The following ROCK2 variants were observed in gnomAD, a reference collection of about 807,000 sequenced individuals.
The protein encoded by ROCK2 is Rho associated coiled-coil containing protein kinase 2.
A neutral mutation model predicts 195.1 loss-of-function variants in ROCK2; 61 were observed. The observed-to-expected ratio is 0.31, with a 90% CI of 0.25 to 0.39. The LOEUF (loss-of-function observed/expected upper bound fraction) is 0.39, where lower values mean the gene tolerates loss of function less well. ROCK2 is among the 10% of genes least tolerant of loss of function. ROCK2 has a pLI of 1.00. For missense variants in ROCK2, 1,109 were observed against 1,637.4 expected, an observed-to-expected ratio of 0.68 and a Z score of 5.57; for synonymous variants, 504 against 545.5, an observed-to-expected ratio of 0.92 and a Z score of 1.06.
At chr2:11,225,531 G>A (rs1664779800) in intron 6 of ROCK2, among the ~76,000 whole-genome samples, 1 of 151,528 alleles carries the variant, frequency 6.6e-6, no homozygotes, top group Non-Finnish European at 1.5e-5. Flanking sequence ...TTTAGACACA[G>A]TATCTCATAT....
Position 11,197,121 on chromosome 2 carries a change from TAAAAC to T in ROCK2, c.3448+54_3448+58del, listed in dbSNP as rs1353787985. ...CTTCAGAGCAGTCAGTCGCAAGACTTAAAACAATCAACTGATTTATATTTAAGATA... is the reference window on the plus strand; with the variant it reads ...CTTCAGAGCAGTCAGTCGCAAGACTTAATCAACTGATTTATATTTAAGATA... On this transcript the variant is annotated intron_variant, in intron 27 of 32. Coordinates refer to ENST00000315872, the MANE Select transcript of ROCK2 (RefSeq NM_004850.5). The surrounding 1 kb of genome is among the most constrained non-coding windows in gnomAD (Gnocchi z 4.9). 2 of 1,290,680 alleles carry T rather than the reference TAAAAC, an allele frequency of 1.5e-6. No individual in the cohort carries two copies. Among genetic ancestry groups the T allele is most frequent in the African/African-American group, 3.1e-5 (2 of 65,558 alleles). The allele number at this position is 1,290,680 out of a possible 1,614,324, so 80.0% of individuals were successfully genotyped here. A position where few individuals can be genotyped will look rare whatever the true frequency, so the allele number is the denominator to read the frequency against.
chr2:11,216,672 C>T (rs1418487551), intron 12 of ROCK2, among the ~76,000 whole-genome samples: 1 of 151,764 alleles, frequency 6.6e-6, no homozygotes, highest in Non-Finnish European at 1.5e-5. Flanking sequence ...GTTGGGATTA[C>T]AGGTGTGAGC....
chr2:11,215,277 A>T, intron 15 of ROCK2, 44 bp downstream of exon 15: 1 of 1,485,704 alleles, frequency 6.7e-7, no homozygotes. Context: ...TTATCGCGTT[A>T]AAAATAAAAC....
chr2:11,248,786 A>C (rs1665722741), intron 4 of ROCK2, among the ~76,000 whole-genome samples: 1 of 151,466 alleles, frequency 6.6e-6, no homozygotes, highest in Non-Finnish European at 1.5e-5. Context: ...ACCCACAGTC[A>C]AATAAAAGGC....
intron 1 of ROCK2, among the ~76,000 whole-genome samples, chr2:11,318,859 G>A (rs949493911): frequency 2.6e-5 from 4 of 152,184 alleles, no homozygotes; most frequent in African/African-American, 4.8e-5. Flanking sequence ...GTTGAATAGG[G>A]AATCCCTTCC....
chr2:11,315,987 T>C (rs1278743279), intron 1 of ROCK2, among the ~76,000 whole-genome samples: 1 of 152,126 alleles, frequency 6.6e-6, no homozygotes, highest in Non-Finnish European at 1.5e-5. Context: ...AGGAACGGAA[T>C]TTATGTTGTT....
chr2:11,277,480 C>T (rs1666865167), intron 3 of ROCK2, among the ~76,000 whole-genome samples: 1 of 152,162 alleles, frequency 6.6e-6, no homozygotes, highest in African/African-American at 2.4e-5. Flanking sequence ...CCCTTGCACC[C>T]CTCCAATCAT....
chr2:11,276,228 T>C (rs1229957992), intron 3 of ROCK2, among the ~76,000 whole-genome samples: 1 of 152,132 alleles, frequency 6.6e-6, no homozygotes, highest in East Asian at 1.9e-4. Context: ...TAATAAAAAA[T>C]AAATAAAACT....
chr2:11,269,470 G>A (rs972943914), intron 3 of ROCK2, among the ~76,000 whole-genome samples: 15 of 150,354 alleles, frequency 1.0e-4, no homozygotes, highest in African/African-American at 3.7e-4. Flanking sequence ...AAGACTGCAC[G>A]ACTGCACTGC....
intron 1 of ROCK2, among the ~76,000 whole-genome samples, chr2:11,310,237 T>C (rs1004453912): frequency 3.9e-5 from 6 of 152,204 alleles, no homozygotes; most frequent in Non-Finnish European, 8.8e-5. Flanking sequence ...CTTGACTGCA[T>C]TTGTGTCACC....
In ROCK2 at chr2:11,305,444, T is replaced by TACACACACAC. The variant is rs59533265; in HGVS notation, c.142-17718_142-17709dup. ...ATGTAGATAAATGTCTGTGTGGGTG[T>TACACACACAC]ACACACACACACACACACACACACA... On this transcript the variant is annotated intron_variant, in intron 1 of 32. Coordinates refer to ENST00000315872, the MANE Select transcript of ROCK2 (RefSeq NM_004850.5). Among the ~76,000 whole-genome samples the TACACACACAC allele has an allele frequency of 9.8e-4, 148 of 150,470 alleles. 1 individual carries two copies. Among genetic ancestry groups the TACACACACAC allele is most frequent in the South Asian group, 2.8e-3 (13 of 4,718 alleles).
At chr2:11,306,057 T>C (rs1206128377) in intron 1 of ROCK2, among the ~76,000 whole-genome samples, 3 of 152,182 alleles carry the variant, frequency 2.0e-5, no homozygotes, top group Admixed American at 2.0e-4. Flanking sequence ...CTGTTCCAGA[T>C]TGAAAGAGAT....
At chr2:11,209,751 A>T (rs1664183290) in intron 18 of ROCK2, among the ~76,000 whole-genome samples, 1 of 152,208 alleles carries the variant, frequency 6.6e-6, no homozygotes, top group Non-Finnish European at 1.5e-5. Flanking sequence ...AATGCTCAAC[A>T]TCTAATTATC....
intron 3 of ROCK2, among the ~76,000 whole-genome samples, chr2:11,283,477 C>T (rs1404896900): frequency 2.7e-4 from 40 of 146,382 alleles, no homozygotes; most frequent in Non-Finnish European, 4.8e-4. Context: ...AGGAGAATGG[C>T]GTGAACCCGG....
At chr2:11,283,610 A>G (rs889825799) in intron 3 of ROCK2, among the ~76,000 whole-genome samples, 3 of 141,948 alleles carry the variant, frequency 2.1e-5, no homozygotes, top group African/African-American at 7.5e-5. Flanking sequence ...AAAAAAAGGA[A>G]AAGATATACA....
chr2:11,271,199 G>A (rs893130788), intron 3 of ROCK2, among the ~76,000 whole-genome samples: 2 of 152,210 alleles, frequency 1.3e-5, no homozygotes, highest in African/African-American at 4.8e-5. Flanking sequence ...AGCAAATGCT[G>A]TGGCATATTT....
intron 1 of ROCK2, among the ~76,000 whole-genome samples, chr2:11,312,162 AT>A (rs1668056137): frequency 1.3e-5 from 2 of 152,208 alleles, no homozygotes; most frequent in Non-Finnish European, 2.9e-5. Flanking sequence ...AAATGGCTTT[AT>A]TACAGTTATT....
At chr2:11,219,698 A>G (rs759408765) in intron 9 of ROCK2, among the ~76,000 whole-genome samples, 43 of 151,992 alleles carry the variant, frequency 2.8e-4, no homozygotes, top group Middle Eastern at 3.4e-3. Context: ...ATAGCGGTAC[A>G]ATCATAGCTC....
Position 11,183,299 on chromosome 2 carries a change from A to G in ROCK2, c.*138T>C, listed in dbSNP as rs755008441. The G allele has an allele frequency of 5.2e-6, 3 of 577,408 alleles. No homozygotes were observed. Among genetic ancestry groups the G allele is most frequent in the Admixed American group, 3.8e-5 (1 of 26,086 alleles). 35.8% of individuals were successfully genotyped at this position (577,408 alleles called of 1,614,324 possible). A position where few individuals can be genotyped will look rare whatever the true frequency, so the allele number is the denominator to read the frequency against. The stretch of plus-strand genomic sequence containing the variant: ...TTTATATTACAGGGAAAAGGGGAAC[A>G]CATATATGTATGAGTGTATGTATCA... On this transcript the variant is annotated 3_prime_UTR_variant, in exon 33 of 33. Transcript: ENST00000315872.
Sources: allele counts gnomAD v4.1 joint callset (sites outside exome capture counted in the v4.1 genomes callset), GRCh38; gene constraint gnomAD v4.1.1; non-coding constraint Gnocchi (gnomAD v3.1); transcripts MANE v1.5; gene names NCBI Gene and HGNC (gene_info 2026-07-23, HGNC 2026-07-21).